The following ANKRD30A variants were observed in gnomAD, a reference collection of about 807,000 sequenced individuals.
ANKRD30A encodes ankyrin repeat domain 30A.
In ANKRD30A, 170 loss-of-function variants were observed where a neutral mutation model predicts 166.3. The ratio of observed to expected loss-of-function variants is 1.02; its 90% CI spans 0.90 to 1.16. The LOEUF (loss-of-function observed/expected upper bound fraction) is 1.16, where lower values mean the gene tolerates loss of function less well. ANKRD30A is among the 50% of genes most tolerant of loss of function. The pLI, the probability that ANKRD30A is intolerant of heterozygous loss-of-function variation, is 0.00. For synonymous variants in ANKRD30A, 564 were observed against 508.9 expected (o/e 1.11, Z -1.46); for missense variants, 1,630 against 1,518.0 (o/e 1.07, Z -1.23).
At chr10:37,236,448 G>A (rs1843678800), downstream of ANKRD30A, among the ~76,000 whole-genome samples, 1 of 152,186 alleles carries the variant, frequency 6.6e-6, no homozygotes, top group African/African-American at 2.4e-5. Flanking sequence ...AGACATGACA[G>A]TCAACGCAAA....
intron 34 of ANKRD30A, among the ~76,000 whole-genome samples, chr10:37,221,747 T>C (rs2132749878): frequency 6.6e-6 from 1 of 151,450 alleles, no homozygotes; most frequent in South Asian, 2.1e-4. Flanking sequence ...GGGAGACTAT[T>C]CTTCAGATAA....
intron 27 of ANKRD30A, among the ~76,000 whole-genome samples, chr10:37,194,584 A>G (rs141697807): frequency 0.013 from 1,967 of 152,032 alleles, 44 homozygotes; most frequent in East Asian, 0.095. Flanking sequence ...TGACCTTGTG[A>G]TGCGCCCGTC....
chr10:37,166,788 TCCTA>T, intron 19 of ANKRD30A, 93 bp downstream of exon 19: 1 of 1,550,464 alleles, frequency 6.4e-7, no homozygotes, highest in Non-Finnish European at 8.7e-7. Context: ...GAAAATTACC[TCCTA>T]AATGCAAACC....
chr10:37,192,913 A>G (rs2132661639), intron 25 of ANKRD30A, 151 bp from the exon 26 acceptor site: 4 of 1,481,228 alleles, frequency 2.7e-6, no homozygotes, highest in Non-Finnish European at 1.9e-6. Flanking sequence ...GCATGATAAC[A>G]AATACAGTAA....
At chr10:37,153,471 G>T (rs1838115679) in intron 12 of ANKRD30A, 101 bp from the exon 13 acceptor site, 5 of 1,554,210 alleles carry the variant, frequency 3.2e-6, no homozygotes, top group Non-Finnish European at 4.3e-6. Flanking sequence ...TTGCAAAGGA[G>T]GAAATTGTGT....
intron 17 of ANKRD30A, 103 bp downstream of exon 17, chr10:37,162,951 A>T (rs1345353471): frequency 7.0e-7 from 1 of 1,419,562 alleles, no homozygotes; most frequent in Non-Finnish European, 9.6e-7. Flanking sequence ...TTTGATGAAA[A>T]GATTTGATCT....
chr10:37,242,574 T>A, the ANKRD30A span, among the ~76,000 whole-genome samples: 1 of 152,212 alleles, frequency 6.6e-6, no homozygotes, highest in Non-Finnish European at 1.5e-5. Flanking sequence ...TTTTCAAAGC[T>A]TTTTCTTTGG....
intron 27 of ANKRD30A, among the ~76,000 whole-genome samples, chr10:37,195,750 C>A (rs757075097): frequency 6.6e-6 from 1 of 152,058 alleles, no homozygotes; most frequent in African/African-American, 2.4e-5. Flanking sequence ...AAAAATTAGC[C>A]GGACGTGGTG....
chr10:37,243,736 A>T, the ANKRD30A span, among the ~76,000 whole-genome samples: 2 of 152,156 alleles, frequency 1.3e-5, no homozygotes, highest in African/African-American at 4.8e-5. Context: ...TGAACTTCTA[A>T]GTAAGGACCC....
the ANKRD30A span, among the ~76,000 whole-genome samples, chr10:37,253,757 C>T: frequency 4.6e-4 from 70 of 151,832 alleles, 1 homozygote; most frequent in East Asian, 0.013. Context: ...ACGCCATTCT[C>T]CTGCCTCAGC....
chr10:37,264,068 C>A, the ANKRD30A span, among the ~76,000 whole-genome samples: 1 of 152,054 alleles, frequency 6.6e-6, no homozygotes, highest in Non-Finnish European at 1.5e-5. Flanking sequence ...AGGCAATATC[C>A]ATTTCAGATT....
At chr10:37,190,270 G>T (rs551097601) in intron 25 of ANKRD30A, among the ~76,000 whole-genome samples, 3 of 151,998 alleles carry the variant, frequency 2.0e-5, no homozygotes, top group Admixed American at 6.6e-5. Flanking sequence ...AAAGTTCTCA[G>T]GTGATGCTGA....
intron 11 of ANKRD30A, 79 bp from the exon 12 acceptor site, chr10:37,151,981 A>G: frequency 7.7e-7 from 1 of 1,298,874 alleles, no homozygotes; most frequent in Admixed American, 2.1e-5. Flanking sequence ...TTCGTGAATG[A>G]AAGTAGATTT....
intron 2 of ANKRD30A, 57 bp from the exon 3 acceptor site, chr10:37,130,148 A>G: frequency 8.6e-7 from 1 of 1,167,258 alleles, no homozygotes; most frequent in Non-Finnish European, 1.1e-6. Flanking sequence ...TATAATTTAT[A>G]ATAATTTATA....
chr10:37,212,595 A>G (rs1221128672), intron 31 of ANKRD30A, among the ~76,000 whole-genome samples: 1 of 152,110 alleles, frequency 6.6e-6, no homozygotes, highest in Non-Finnish European at 1.5e-5. Context: ...AGCTGCAGGC[A>G]TCACGCTACC....
At chr10:37,128,987 C>T (rs908303871) in intron 1 of ANKRD30A, among the ~76,000 whole-genome samples, 4 of 152,030 alleles carry the variant, frequency 2.6e-5, no homozygotes, top group Non-Finnish European at 4.4e-5. Context: ...AATCTAAATA[C>T]GGAATAAGAT....
chr10:37,148,641 CT>C (rs1395583178), intron 9 of ANKRD30A, among the ~76,000 whole-genome samples: 1 of 151,940 alleles, frequency 6.6e-6, no homozygotes, highest in Non-Finnish European at 1.5e-5. Flanking sequence ...ACTCCAGAGA[CT>C]ACCAGAAGCA....
At chr10:37,249,051 G>A in the ANKRD30A span, among the ~76,000 whole-genome samples, 3 of 152,154 alleles carry the variant, frequency 2.0e-5, no homozygotes, top group Non-Finnish European at 4.4e-5. Flanking sequence ...GTCATGACTT[G>A]CAAGGGTGGT....
chr10:37,151,021 G>A (rs1478008638), intron 11 of ANKRD30A, among the ~76,000 whole-genome samples: 1 of 127,696 alleles, frequency 7.8e-6, no homozygotes, highest in Non-Finnish European at 1.7e-5. Context: ...TGTGATTTGA[G>A]TTTCTTGTAC....
Sources: allele counts gnomAD v4.1 joint callset (sites outside exome capture counted in the v4.1 genomes callset), GRCh38; gene constraint gnomAD v4.1.1; transcripts MANE v1.5; gene names NCBI Gene and HGNC (gene_info 2026-07-23, HGNC 2026-07-21).